EPHA5: variants seen among roughly 807,000 people sequenced by gnomAD.
The protein encoded by EPHA5 is EPH receptor A5, also known as ephrin type-A receptor 5.
Under a neutral mutation model 105.0 loss-of-function variants are expected in EPHA5, and 60 were observed. The observed-to-expected ratio is 0.57, with a 90% CI of 0.46 to 0.71. EPHA5 has a LOEUF of 0.71. Among genes scored for constraint, EPHA5 ranks in the 30% least tolerant of loss-of-function variants. The pLI, the probability that EPHA5 is intolerant of heterozygous loss-of-function variation, is 0.00. For synonymous variants in EPHA5, 513 were observed against 449.1 expected (o/e 1.14, Z -1.80); for missense variants, 1,218 against 1,274.7 (o/e 0.96, Z 0.68).
intron 3 of EPHA5, among the ~76,000 whole-genome samples, chr4:65,594,016 T>G (rs1742931728): frequency 6.6e-6 from 1 of 152,202 alleles, no homozygotes; most frequent in Admixed American, 6.5e-5. Context: ...TACACACTTT[T>G]CCCATGAGAG....
intron 9 of EPHA5, 32 bp downstream of exon 9, chr4:65,367,325 T>A: frequency 6.4e-7 from 1 of 1,563,650 alleles, no homozygotes. Context: ...TCCCCTATTT[T>A]ATTCTATTTT....
At chr4:65,462,302 T>A (rs1239807375) in intron 5 of EPHA5, among the ~76,000 whole-genome samples, 2 of 152,204 alleles carry the variant, frequency 1.3e-5, no homozygotes, top group Admixed American at 6.5e-5. Context: ...AATGATAGAA[T>A]AATTTTTATT....
chr4:65,488,401 G>A (rs1731085994), intron 5 of EPHA5, among the ~76,000 whole-genome samples: 1 of 151,782 alleles, frequency 6.6e-6, no homozygotes, highest in Non-Finnish European at 1.5e-5. Flanking sequence ...AGATTCATAC[G>A]TAGAATCAAG....
At chr4:65,585,430 T>G (rs1244287313) in intron 3 of EPHA5, among the ~76,000 whole-genome samples, 1 of 151,742 alleles carries the variant, frequency 6.6e-6, no homozygotes, top group Non-Finnish European at 1.5e-5. Context: ...TTTTCAGGAT[T>G]CAATACTACT....
At chr4:65,636,116 T>C (rs1380469844) in intron 2 of EPHA5, among the ~76,000 whole-genome samples, 1 of 152,200 alleles carries the variant, frequency 6.6e-6, no homozygotes, top group Admixed American at 6.5e-5. Context: ...AGATATTTAG[T>C]TCTTAAAGGT....
intron 3 of EPHA5, among the ~76,000 whole-genome samples, chr4:65,528,283 T>A (rs13129137): frequency 0.25 from 38,345 of 152,000 alleles, 5,054 homozygotes; most frequent in African/African-American, 0.31. Context: ...ACCTTCTAAA[T>A]GTAGCCTAAC....
At chr4:65,455,210 G>A (rs1268783135) in intron 5 of EPHA5, among the ~76,000 whole-genome samples, 1 of 151,858 alleles carries the variant, frequency 6.6e-6, no homozygotes, top group South Asian at 2.1e-4. Context: ...TCCAGCCTGG[G>A]AGACAGAGAG....
chr4:65,645,187 G>A (rs1044800579), intron 1 of EPHA5, among the ~76,000 whole-genome samples: 10 of 151,976 alleles, frequency 6.6e-5, no homozygotes, highest in Non-Finnish European at 1.2e-4. Context: ...TGGGAATAAG[G>A]CTACATTAAA....
chr4:65,542,357 A>G (rs1298315959), intron 3 of EPHA5, among the ~76,000 whole-genome samples: 1 of 151,878 alleles, frequency 6.6e-6, no homozygotes, highest in Admixed American at 6.6e-5. Context: ...AGAGAGAAGA[A>G]TCAAATAGAC....
intron 3 of EPHA5, among the ~76,000 whole-genome samples, chr4:65,575,382 C>T (rs1740791895): frequency 6.6e-6 from 1 of 152,168 alleles, no homozygotes; most frequent in Non-Finnish European, 1.5e-5. Flanking sequence ...TCTGTTCTCT[C>T]TACCTACTAC....
chr4:65,594,740 A>T (rs559756175), intron 3 of EPHA5, among the ~76,000 whole-genome samples: 1 of 147,302 alleles, frequency 6.8e-6, no homozygotes, highest in African/African-American at 2.4e-5. Context: ...AAACCAATGA[A>T]ACAAGTTCTT....
intron 1 of EPHA5, among the ~76,000 whole-genome samples, chr4:65,667,882 C>A (rs1336632641): frequency 6.6e-6 from 1 of 152,116 alleles, no homozygotes; most frequent in Non-Finnish European, 1.5e-5. Flanking sequence ...AACGAGGATG[C>A]CCCTTTCGGT....
At chr4:65,484,075 A>G (rs930832196) in intron 5 of EPHA5, among the ~76,000 whole-genome samples, 6 of 152,214 alleles carry the variant, frequency 3.9e-5, no homozygotes, top group African/African-American at 9.6e-5. Context: ...TGGTTTCTCC[A>G]CTAAAGAGAA....
chr4:65,665,790 C>T (rs893914871), intron 1 of EPHA5, among the ~76,000 whole-genome samples: 1 of 152,180 alleles, frequency 6.6e-6, no homozygotes, highest in Non-Finnish European at 1.5e-5. Flanking sequence ...AATGTCAAGA[C>T]CTAGGTCCCC....
chr4:65,569,400 T>G (rs1344355013), intron 3 of EPHA5, among the ~76,000 whole-genome samples: 2 of 151,636 alleles, frequency 1.3e-5, no homozygotes, highest in African/African-American at 2.4e-5. Flanking sequence ...GTTAGCACAG[T>G]TGAGGATCAT....
Position 65,601,688 on chromosome 4 carries a change from T to G in EPHA5, c.863A>C (p.Lys288Thr), listed in dbSNP as rs762416810. ...TTCATATCCTGCCTTGCACATGCAT[T>G]TCCCGATGGGCACCAGCCACTCCCC... ...AEGEWLVPIG[K>T]CMCKAGYEEK... The change falls in exon 3 of 17, where the codon AAA (lysine) becomes ACA (threonine). Residue 288 changes from lysine to threonine, a missense_variant. Lys to Thr is a moderately conservative substitution (Grantham distance 78). This residue lies in a region of EPHA5 where 971 missense variants were observed against 1,013.5 expected (regional missense o/e 0.96). Transcript: ENST00000613740. The G allele has an allele frequency of 1.2e-6, 2 of 1,614,106 alleles. No individual in the cohort carries two copies. Among genetic ancestry groups the G allele is most frequent in the South Asian group, 2.2e-5 (2 of 91,082 alleles).
chr4:65,453,774 C>A (rs149139475), intron 5 of EPHA5, among the ~76,000 whole-genome samples: 1 of 152,302 alleles, frequency 6.6e-6, no homozygotes, highest in East Asian at 1.9e-4. Context: ...CATGCCAACA[C>A]ATAAAACCCT....
chr4:65,331,113 T>G, intron 16 of EPHA5: 1 of 1,037,684 alleles, frequency 9.6e-7, no homozygotes, highest in Non-Finnish European at 1.2e-6. Flanking sequence ...ATTCTACCAT[T>G]TTCTAAACCT....
At chr4:65,662,173 T>A (rs1749610332) in intron 1 of EPHA5, among the ~76,000 whole-genome samples, 1 of 151,916 alleles carries the variant, frequency 6.6e-6, no homozygotes, top group South Asian at 2.1e-4. Flanking sequence ...AATAAGAGTG[T>A]AAAATTAATA....
Sources: allele counts gnomAD v4.1 joint callset (sites outside exome capture counted in the v4.1 genomes callset), GRCh38; gene constraint gnomAD v4.1.1; regional missense constraint gnomAD v4.1.1; transcripts MANE v1.5; gene names NCBI Gene and HGNC (gene_info 2026-07-23, HGNC 2026-07-21).